The following AMZ2 variants were observed in gnomAD, a reference collection of about 807,000 sequenced individuals.
The protein encoded by AMZ2 is archaelysin family metallopeptidase 2.
AMZ2 carries 26 observed loss-of-function variants against 36.7 expected under a neutral mutation model. The ratio of observed to expected loss-of-function variants is 0.71; its 90% confidence interval spans 0.52 to 0.98. The LOEUF (loss-of-function observed/expected upper bound fraction) is 0.98, where lower values mean the gene tolerates loss of function less well. Among genes scored for constraint, AMZ2 ranks in the 50% least tolerant of loss-of-function variants. AMZ2 has a pLI of 0.00. For missense variants in AMZ2, 394 were observed against 430.5 expected (o/e 0.92, Z 0.75); for synonymous variants, 144 against 149.1 (o/e 0.97, Z 0.25).
At chr17:68,252,733 A>C (rs2074577813) in intron 4 of AMZ2, among the ~76,000 whole-genome samples, 1 of 152,078 alleles carries the variant, frequency 6.6e-6, no homozygotes, top group Non-Finnish European at 1.5e-5. Context: ...TGTGTTGGTC[A>C]AGCTCATCTT....
intron 6 of AMZ2, among the ~76,000 whole-genome samples, chr17:68,256,449 G>A (rs181949527): frequency 8.9e-4 from 136 of 152,310 alleles, no homozygotes; most frequent in African/African-American, 3.1e-3. Context: ...ACCCATGCCT[G>A]TGTGGACACT....
chr17:68,224,635 G>T (rs1270450786), intron 1 of AMZ2, among the ~76,000 whole-genome samples: 1 of 151,586 alleles, frequency 6.6e-6, no homozygotes, highest in East Asian at 1.9e-4. Flanking sequence ...AGCCTGCTGG[G>T]CTCAAGTAAT....
At chr17:68,247,866 T>C (rs1469636233), upstream of AMZ2, 2 of 985,388 alleles carry the variant, frequency 2.0e-6, no homozygotes, top group African/African-American at 3.5e-5. Flanking sequence ...TACCCTCTAT[T>C]CTGGAAGAGG....
intron 1 of AMZ2, among the ~76,000 whole-genome samples, chr17:68,240,382 G>A (rs1230093850): frequency 6.6e-6 from 1 of 152,142 alleles, no homozygotes; most frequent in African/African-American, 2.4e-5. Context: ...ACAAGAAAGG[G>A]ATTTTGGCTA....
intron 1 of AMZ2, among the ~76,000 whole-genome samples, chr17:68,242,451 G>T (rs545009087): frequency 1.0e-4 from 15 of 150,736 alleles, no homozygotes; most frequent in Admixed American, 3.3e-4. Flanking sequence ...CTTTTTTTTT[G>T]ACACAGAGCG....
intron 1 of AMZ2, among the ~76,000 whole-genome samples, chr17:68,212,752 A>AT (rs1288423437): frequency 6.6e-6 from 1 of 151,748 alleles, no homozygotes; most frequent in African/African-American, 2.4e-5. Flanking sequence ...TTGTTTGTGT[A>AT]TTTTTTGTAG....
Position 68,221,216 on chromosome 17 carries a change from C to CA in AMZ2, c.-67+14978_-67+14979insA, listed in dbSNP as rs1555728402. Among the ~76,000 whole-genome samples, 263 of 92,144 alleles carry CA rather than the reference C, an allele frequency of 2.9e-3. 32 individuals carry two copies. Among genetic ancestry groups the CA allele is most frequent in the African/African-American group, 0.011 (243 of 23,078 alleles). The allele number at this position is 92,144 out of a possible 152,430, so 60.5% of individuals were successfully genotyped here. On this transcript the variant is annotated intron_variant, in intron 1 of 7. Coordinates refer to the AMZ2 transcript ENST00000674770. ...CCTGCCTCAGCCCTCAGCTCCCCCC[C>CA]CCGCCCCCCCGGTAGCTAGGACCCC... is the stretch of plus-strand genomic sequence containing the variant.
intron 1 of AMZ2, among the ~76,000 whole-genome samples, chr17:68,228,399 C>T (rs186987369): frequency 1.3e-4 from 20 of 152,252 alleles, no homozygotes; most frequent in South Asian, 1.2e-3. Context: ...GATTTCATGG[C>T]GAGACTGGAC....
intron 1 of AMZ2, 134 bp downstream of exon 1, chr17:68,248,839 GAATTTTAGT>G: frequency 1.1e-6 from 1 of 917,976 alleles, no homozygotes; most frequent in Non-Finnish European, 1.3e-6. Context: ...ATTTGGTCTG[GAATTTTAGT>G]CAGCCTCTTC....
At chr17:68,239,764 C>T (rs1213982783) in intron 1 of AMZ2, among the ~76,000 whole-genome samples, 1 of 151,876 alleles carries the variant, frequency 6.6e-6, no homozygotes. Flanking sequence ...TCTGCCAGAT[C>T]GCCTCTGAGA....
chr17:68,216,906 G>A (rs1688953957), intron 1 of AMZ2, among the ~76,000 whole-genome samples: 1 of 152,062 alleles, frequency 6.6e-6, no homozygotes, highest in Admixed American at 6.6e-5. Flanking sequence ...GGTGGCACGT[G>A]CCTGTAGTTC....
chr17:68,206,621 A>G (rs533379508), intron 1 of AMZ2: 3 of 152,444 alleles, frequency 2.0e-5, no homozygotes, highest in African/African-American at 4.8e-5. Context: ...TTCTGGAATG[A>G]AAGAAGCCTC....
At chr17:68,230,544 A>G (rs1157857892) in intron 1 of AMZ2, among the ~76,000 whole-genome samples, 3 of 152,254 alleles carry the variant, frequency 2.0e-5, no homozygotes, top group African/African-American at 7.2e-5. Flanking sequence ...ACTGGGGGCT[A>G]CCACTGTAAC....
intron 1 of AMZ2, among the ~76,000 whole-genome samples, chr17:68,241,905 TTTC>T (rs1453561146): frequency 1.0e-4 from 15 of 143,300 alleles, no homozygotes; most frequent in African/African-American, 1.6e-4. Context: ...CTTTTTTCTT[TTTC>T]TTTTTTTTTT....
At position 68,250,283 on chromosome 17, in the gene AMZ2, G is replaced by T; in HGVS notation, c.96G>T (p.Gly32=). Reference sequence around the variant, plus strand: ...CACAGTATGAGAAATTAAATGCTGGGGAACAACGTTTAATGAATGAAGCCT... The same window carrying T: ...CACAGTATGAGAAATTAAATGCTGGTGAACAACGTTTAATGAATGAAGCCT... The part of the protein sequence containing the change: ...LVSQYEKLNA[G]EQRLMNEAFQ... Residue 32 remains glycine, a synonymous_variant, in exon 2 of 7, where the codon GGG becomes GGT. Transcript: ENST00000359904. 1 of 1,614,116 alleles carries T rather than the reference G, an allele frequency of 6.2e-7. No homozygotes were observed. Among genetic ancestry groups the T allele is most frequent in the Non-Finnish European group, 8.5e-7 (1 of 1,180,030 alleles).
chr17:68,221,755 G>C (rs1470657009), intron 1 of AMZ2, among the ~76,000 whole-genome samples: 6 of 151,826 alleles, frequency 4.0e-5, no homozygotes, highest in Admixed American at 2.6e-4. Flanking sequence ...AAATTAGCCG[G>C]GCATGGCACA....
intron 1 of AMZ2, among the ~76,000 whole-genome samples, chr17:68,223,361 G>T (rs1378375659): frequency 6.6e-6 from 1 of 151,988 alleles, no homozygotes; most frequent in Admixed American, 6.6e-5. Context: ...GCCCCTCGTG[G>T]CCTCATTATA....
intron 1 of AMZ2, among the ~76,000 whole-genome samples, chr17:68,228,452 A>G (rs1262067394): frequency 9.2e-5 from 14 of 152,248 alleles, no homozygotes; most frequent in Non-Finnish European, 1.3e-4. Context: ...CTGACTGCCC[A>G]TCGGCAAAAT....
chr17:68,226,723 G>A (rs180853898), intron 1 of AMZ2, among the ~76,000 whole-genome samples: 1 of 152,134 alleles, frequency 6.6e-6, no homozygotes, highest in East Asian at 1.9e-4. Flanking sequence ...CAGTGGTCTT[G>A]GGACTGTCTT....
Sources: gnomAD v4.1 joint callset for allele counts (sites outside exome capture counted in the v4.1 genomes callset) on GRCh38, gnomAD v4.1.1 for gene constraint, MANE v1.5 for transcripts, NCBI Gene and HGNC (gene_info 2026-07-23, HGNC 2026-07-21) for gene names.